The following LINGO2 variants were observed in gnomAD, a reference collection of about 807,000 sequenced individuals.
LINGO2 encodes the protein leucine rich repeat and Ig domain containing 2, also known as leucine-rich repeat and immunoglobulin-like domain-containing nogo receptor-interacting protein 2.
LINGO2 carries 14 observed loss-of-function variants against 30.6 expected under a neutral mutation model. That is an observed-to-expected ratio of 0.46 (90% CI 0.30 to 0.72). The LOEUF (loss-of-function observed/expected upper bound fraction) is 0.72, where lower values mean the gene tolerates loss of function less well. Ranked by LOEUF, LINGO2 falls within the 30% of genes least tolerant of loss-of-function variation. LINGO2 has a pLI of 0.07. For synonymous variants in LINGO2, 317 were observed against 288.5 expected (o/e 1.10, Z -1.00); for missense variants, 729 against 751.7 (o/e 0.97, Z 0.35).
chr9:28,227,524 T>C (rs1235721596), intron 4 of LINGO2, among the ~76,000 whole-genome samples: 5 of 152,098 alleles, frequency 3.3e-5, no homozygotes, highest in African/African-American at 1.2e-4. Flanking sequence ...TCCCCTTCTA[T>C]GTGGCTGGTA....
chr9:28,432,626 C>T (rs1021674466), intron 2 of LINGO2, among the ~76,000 whole-genome samples: 2 of 151,970 alleles, frequency 1.3e-5, no homozygotes, highest in African/African-American at 4.8e-5. Context: ...AGCTTCAGGG[C>T]TAATAAAGGA....
chr9:28,789,083 G>A, the LINGO2 span, among the ~76,000 whole-genome samples: 5 of 151,894 alleles, frequency 3.3e-5, no homozygotes, highest in African/African-American at 1.2e-4. Context: ...ATGTATTCCT[G>A]GTTTCAGATT....
chr9:27,999,722 T>A (rs1371124992), intron 5 of LINGO2, among the ~76,000 whole-genome samples: 6 of 152,142 alleles, frequency 3.9e-5, no homozygotes, highest in African/African-American at 1.2e-4. Flanking sequence ...AATGAAAGAC[T>A]GACTGTGCAA....
chr9:28,666,283 T>C (rs935622587), intron 1 of LINGO2, among the ~76,000 whole-genome samples: 1 of 152,134 alleles, frequency 6.6e-6, no homozygotes. Context: ...TCAGAATATA[T>C]ACCTGAACAT....
chr9:28,201,182 T>G (rs1171702422), intron 4 of LINGO2, among the ~76,000 whole-genome samples: 1 of 149,730 alleles, frequency 6.7e-6, no homozygotes, highest in Non-Finnish European at 1.5e-5. Flanking sequence ...ACCCACTAAC[T>G]CGTCATCTAG....
chr9:28,137,610 T>C (rs1182666007), intron 4 of LINGO2, among the ~76,000 whole-genome samples: 2 of 151,996 alleles, frequency 1.3e-5, no homozygotes, highest in Non-Finnish European at 2.9e-5. Flanking sequence ...TTATTGATTT[T>C]CTTACTGGAA....
At chr9:28,386,532 C>G (rs529088500) in intron 2 of LINGO2, among the ~76,000 whole-genome samples, 14 of 151,980 alleles carry the variant, frequency 9.2e-5, no homozygotes, top group Non-Finnish European at 1.9e-4. Flanking sequence ...TGTATCATGC[C>G]AATGAGAGAT....
intron 2 of LINGO2, among the ~76,000 whole-genome samples, chr9:28,456,553 G>A (rs1448278931): frequency 6.6e-6 from 1 of 152,140 alleles, no homozygotes; most frequent in Non-Finnish European, 1.5e-5. Flanking sequence ...CATTCTGACT[G>A]TTCATTTTCC....
intron 4 of LINGO2, among the ~76,000 whole-genome samples, chr9:28,252,335 C>G (rs1379388740): frequency 6.6e-6 from 1 of 152,046 alleles, no homozygotes; most frequent in African/African-American, 2.4e-5. Context: ...AAGTGATTCT[C>G]CTGCCTCAGT....
At chr9:28,012,007 T>A (rs1391355688) in intron 5 of LINGO2, among the ~76,000 whole-genome samples, 3 of 152,014 alleles carry the variant, frequency 2.0e-5, no homozygotes, top group Admixed American at 6.6e-5. Context: ...ATTTATTTCT[T>A]CATCTAGGGT....
chr9:28,803,638 A>G, the LINGO2 span, among the ~76,000 whole-genome samples: 1 of 152,026 alleles, frequency 6.6e-6, no homozygotes, highest in Non-Finnish European at 1.5e-5. Flanking sequence ...AACATGGCTC[A>G]ATACCAGGCA....
the LINGO2 span, among the ~76,000 whole-genome samples, chr9:29,016,609 T>C: frequency 6.6e-6 from 1 of 152,200 alleles, no homozygotes; most frequent in African/African-American, 2.4e-5. Context: ...AAAAGATTCA[T>C]AACCTGATCA....
chr9:28,685,626 G>C, the LINGO2 span, among the ~76,000 whole-genome samples: 3 of 151,964 alleles, frequency 2.0e-5, no homozygotes, highest in Non-Finnish European at 4.4e-5. Flanking sequence ...CATTATTTTT[G>C]TTTTAGTCAT....
At chr9:28,976,589 GA>G in the LINGO2 span, among the ~76,000 whole-genome samples, 2 of 152,018 alleles carry the variant, frequency 1.3e-5, no homozygotes, top group Non-Finnish European at 2.9e-5. Flanking sequence ...TACACTTTGT[GA>G]CAAAAGGCAC....
chr9:28,582,032 T>C (rs976228919), intron 1 of LINGO2, among the ~76,000 whole-genome samples: 4 of 152,016 alleles, frequency 2.6e-5, no homozygotes, highest in Admixed American at 1.3e-4. Context: ...GTGAGACATG[T>C]TCTGTATTTA....
At chr9:29,050,147 T>C in the LINGO2 span, among the ~76,000 whole-genome samples, 1 of 152,096 alleles carries the variant, frequency 6.6e-6, no homozygotes, top group African/African-American at 2.4e-5. Flanking sequence ...CGCCTCAGCC[T>C]CACCAGTAGC....
At chr9:29,198,748 C>T in the LINGO2 span, among the ~76,000 whole-genome samples, 1 of 152,060 alleles carries the variant, frequency 6.6e-6, no homozygotes, top group African/African-American at 2.4e-5. Flanking sequence ...AAGAGGGCAA[C>T]TAAGAAGAAA....
intron 2 of LINGO2, among the ~76,000 whole-genome samples, chr9:28,433,915 C>G (rs909882811): frequency 1.9e-5 from 1 of 53,128 alleles, no homozygotes; most frequent in Admixed American, 2.5e-4. Flanking sequence ...AGAAAATGTG[C>G]TCTCTCTTTC....
At chr9:28,478,347 T>C (rs1490649354) in intron 1 of LINGO2, among the ~76,000 whole-genome samples, 1 of 152,110 alleles carries the variant, frequency 6.6e-6, no homozygotes, top group African/African-American at 2.4e-5. Flanking sequence ...TTTTTCTCAG[T>C]TTGATTTAAA....
Sources: allele counts gnomAD v4.1 joint callset (sites outside exome capture counted in the v4.1 genomes callset), GRCh38; gene constraint gnomAD v4.1.1; transcripts MANE v1.5; gene names NCBI Gene and HGNC (gene_info 2026-07-23, HGNC 2026-07-21).